THSD4: variants seen among roughly 807,000 people sequenced by gnomAD.
THSD4 encodes thrombospondin type-1 domain-containing protein 4.
THSD4 carries 69 observed loss-of-function variants against 119.0 expected under a neutral mutation model. The ratio of observed to expected loss-of-function variants is 0.58; its 90% CI spans 0.48 to 0.71. The LOEUF (loss-of-function observed/expected upper bound fraction) is 0.71, where lower values mean the gene tolerates loss of function less well. Ranked by LOEUF, THSD4 falls within the 30% of genes least tolerant of loss-of-function variation. The pLI is 0.00. For synonymous variants in THSD4, 524 were observed against 540.4 expected (o/e 0.97, Z 0.42); for missense variants, 1,393 against 1,391.1 (o/e 1.00, Z -0.02).
intron 7 of THSD4, among the ~76,000 whole-genome samples, chr15:71,496,436 T>A (rs534351823): frequency 6.6e-6 from 1 of 152,256 alleles, no homozygotes; most frequent in Non-Finnish European, 1.5e-5. Context: ...GCAGTGAGGA[T>A]CTTAAGTTCC....
intron 7 of THSD4, among the ~76,000 whole-genome samples, chr15:71,524,087 A>G (rs757731684): frequency 6.6e-6 from 1 of 152,226 alleles, no homozygotes; most frequent in Non-Finnish European, 1.5e-5. Context: ...CAAGTGGTCC[A>G]CACACCTCTG....
At chr15:71,283,211 C>T (rs187911899) in intron 6 of THSD4, among the ~76,000 whole-genome samples, 28 of 152,162 alleles carry the variant, frequency 1.8e-4, no homozygotes, top group African/African-American at 5.1e-4. Context: ...TGTCACGATC[C>T]GCCAGCCTCG....
rs2054025634 is a variant in THSD4 at position 71,783,349 on chromosome 15, AAAG to A, written c.*5980_*5982del. 6.6e-6 allele frequency: 1 copy of A among 151,106 alleles called. No homozygotes were observed. The highest frequency in any genetic ancestry group is 1.5e-5 in the Non-Finnish European group (1 of 67,736). The allele number at this position is 151,106 out of a possible 1,614,324, so 9.4% of individuals were successfully genotyped here. On this transcript the variant is annotated 3_prime_UTR_variant, in exon 18 of 18. Coordinates refer to ENST00000261862, the MANE Select transcript of THSD4 (RefSeq NM_024817.3). ...TTCTCCTGCAAATAGCGCCCTCTAA[AAAG>A]AAGAGTCAGACAATAAACTGGTTGA...
At chr15:71,671,716 C>G (rs1242081394) in intron 8 of THSD4, among the ~76,000 whole-genome samples, 1 of 152,156 alleles carries the variant, frequency 6.6e-6, no homozygotes, top group Non-Finnish European at 1.5e-5. Context: ...AGCCAGTTTT[C>G]CCAGCACCAT....
At chr15:71,704,012 G>A (rs1463522201) in intron 8 of THSD4, among the ~76,000 whole-genome samples, 1 of 152,086 alleles carries the variant, frequency 6.6e-6, no homozygotes, top group Admixed American at 6.6e-5. Context: ...ACCACGCCCG[G>A]CTAATTTTTG....
chr15:71,444,205 A>G (rs181187401), intron 7 of THSD4, among the ~76,000 whole-genome samples: 3 of 152,170 alleles, frequency 2.0e-5, no homozygotes, highest in Non-Finnish European at 4.4e-5. Flanking sequence ...TTGAGTGTGG[A>G]CAAACTGGTA....
intron 7 of THSD4, among the ~76,000 whole-genome samples, chr15:71,582,159 T>A (rs1465819170): frequency 2.0e-5 from 3 of 152,202 alleles, no homozygotes; most frequent in African/African-American, 7.2e-5. Context: ...ATTTGTCTTC[T>A]TCACTGTCTT....
chr15:71,478,572 C>T (rs980365333), intron 7 of THSD4, among the ~76,000 whole-genome samples: 1 of 152,142 alleles, frequency 6.6e-6, no homozygotes, highest in Non-Finnish European at 1.5e-5. Flanking sequence ...TAAAATAGTG[C>T]AGCATTGTGA....
chr15:71,523,541 C>T (rs2048473214), intron 7 of THSD4, among the ~76,000 whole-genome samples: 1 of 152,150 alleles, frequency 6.6e-6, no homozygotes, highest in African/African-American at 2.4e-5. Context: ...TGGGAGACCA[C>T]GCTTCAACCT....
rs1409637976 is a variant in THSD4 at position 71,309,097 on chromosome 15, A to T, written c.1015+52382A>T. ...CCCGAGTAGCTGTGATTACAGGCGC[A>T]TGCCACCATACCCAGCTAATTTTTT... On this transcript the variant is annotated intron_variant, in intron 6 of 17. Coordinates refer to ENST00000261862, the MANE Select transcript of THSD4 (RefSeq NM_024817.3). Among the ~76,000 whole-genome samples, 3 of 152,132 alleles carry T rather than the reference A, an allele frequency of 2.0e-5. No individual in the cohort carries two copies. The East Asian group carries it at 5.8e-4, about 29-fold the overall frequency.
rs1448861290 is a variant in THSD4 at position 71,419,057 on chromosome 15, C to T, written c.1152+7234C>T. On this transcript the variant is annotated intron_variant, in intron 7 of 17. Coordinates refer to ENST00000261862, the MANE Select transcript of THSD4 (RefSeq NM_024817.3). Reference sequence around the variant, plus strand: ...CTCTGATTTTATTTATTTGAGTCTTCTCTCTTTCTTAGTCTGGGTAAAGGT... The same window carrying T: ...CTCTGATTTTATTTATTTGAGTCTTTTCTCTTTCTTAGTCTGGGTAAAGGT... 2.8e-5 allele frequency among the ~76,000 whole-genome samples: 3 copies of T among 107,792 alleles called. 1 individual carries two copies. The highest frequency in any genetic ancestry group is 6.1e-5 in the Non-Finnish European group (3 of 49,106). The allele number at this position is 107,792 out of a possible 152,430, so 70.7% of individuals were successfully genotyped here. A position where few individuals can be genotyped will look rare whatever the true frequency, so the allele number is the denominator to read the frequency against.
intron 6 of THSD4, among the ~76,000 whole-genome samples, chr15:71,300,002 T>TATATATATATATATATATATATA (rs2044926604): frequency 7.1e-6 from 1 of 141,260 alleles, no homozygotes; most frequent in African/African-American, 2.7e-5. Flanking sequence ...TATATATATA[T>TATATATATATATATATATATATA]TAGCCATGGG....
chr15:71,395,966 G>C (rs1163761139), intron 6 of THSD4, among the ~76,000 whole-genome samples: 1 of 134,730 alleles, frequency 7.4e-6, no homozygotes, highest in Non-Finnish European at 1.6e-5. Flanking sequence ...CACAGACTTT[G>C]TTGAGCACAT....
chr15:71,442,660 G>GTATATATATATATATATA (rs71154772), intron 7 of THSD4, among the ~76,000 whole-genome samples: 4 of 25,816 alleles, frequency 1.5e-4, no homozygotes, highest in African/African-American at 2.2e-4. Context: ...GTGTGTGTGT[G>GTATATATATATATATATA]TATATATATA....
At position 71,297,926 on chromosome 15, in the gene THSD4, T is replaced by G. The variant is rs888914600; in HGVS notation, c.1015+41211T>G. Reference sequence around the variant, plus strand: ...TGTCTTTTCACTTTCTTGATAGTCCTTTGATGCACAAAAATTTTTATTTTG... The same window carrying G: ...TGTCTTTTCACTTTCTTGATAGTCCGTTGATGCACAAAAATTTTTATTTTG... On this transcript the variant is annotated intron_variant, in intron 6 of 17. Coordinates refer to ENST00000261862, the MANE Select transcript of THSD4 (RefSeq NM_024817.3). Among the ~76,000 whole-genome samples, 3 of 152,232 alleles carry G rather than the reference T, an allele frequency of 2.0e-5. No individual in the cohort carries two copies. In the South Asian group the frequency reaches 6.2e-4, roughly 31 times the overall value.
chr15:71,386,328 A>G (rs886318401), intron 6 of THSD4, among the ~76,000 whole-genome samples: 1 of 152,224 alleles, frequency 6.6e-6, no homozygotes, highest in Non-Finnish European at 1.5e-5. Flanking sequence ...GAGGACAGGT[A>G]AGCAATTTCC....
intron 6 of THSD4, among the ~76,000 whole-genome samples, chr15:71,272,176 G>A (rs2044538014): frequency 6.6e-6 from 1 of 151,992 alleles, no homozygotes; most frequent in African/African-American, 2.4e-5. Context: ...GCTGAGGCGG[G>A]CAGATCACGA....
intron 6 of THSD4, among the ~76,000 whole-genome samples, chr15:71,322,037 A>C (rs1289929188): frequency 1.3e-5 from 2 of 152,298 alleles, no homozygotes; most frequent in Non-Finnish European, 1.5e-5. Context: ...AAAAAAAAAA[A>C]AGTGGGTCAA....
intron 7 of THSD4, among the ~76,000 whole-genome samples, chr15:71,545,240 T>G (rs1243594486): frequency 6.6e-6 from 1 of 152,224 alleles, no homozygotes; most frequent in Non-Finnish European, 1.5e-5. Flanking sequence ...AGTGATTCTC[T>G]TTTGAATTTT....
Sources: gnomAD v4.1 joint callset for allele counts (sites outside exome capture counted in the v4.1 genomes callset) on GRCh38, gnomAD v4.1.1 for gene constraint, MANE v1.5 for transcripts, NCBI Gene and HGNC (gene_info 2026-07-23, HGNC 2026-07-21) for gene names.